The following CATSPERB variants were observed in gnomAD, a reference collection of about 807,000 sequenced individuals.
CATSPERB encodes cation channel sperm-associated auxiliary subunit beta.
In CATSPERB, 93 loss-of-function variants were observed where a neutral mutation model predicts 128.3. That is an observed-to-expected ratio of 0.72 (90% CI 0.61 to 0.86). The LOEUF is 0.86. Ranked by LOEUF, CATSPERB falls within the 40% of genes least tolerant of loss-of-function variation. CATSPERB has a pLI of 0.00. For missense variants in CATSPERB, 1,153 were observed against 1,329.5 expected, an observed-to-expected ratio of 0.87 and a Z score of 2.06; for synonymous variants, 381 against 448.8, an observed-to-expected ratio of 0.85 and a Z score of 1.91.
chr14:91,693,079 C>T (rs1292431564), intron 9 of CATSPERB, 47 bp downstream of exon 9: 2 of 1,218,786 alleles, frequency 1.6e-6, no homozygotes, highest in South Asian at 1.3e-5. Context: ...TTTTGTGTCA[C>T]AGAAGATATT....
chr14:91,629,359 G>T (rs1287925507), intron 17 of CATSPERB, among the ~76,000 whole-genome samples: 2 of 152,132 alleles, frequency 1.3e-5, no homozygotes, highest in African/African-American at 4.8e-5. Context: ...GGTTGCCAGG[G>T]GTGAGGGGAA....
intron 2 of CATSPERB, among the ~76,000 whole-genome samples, 156 bp from the exon 3 acceptor site, chr14:91,725,324 GT>G (rs998166317): frequency 6.6e-6 from 1 of 152,128 alleles, no homozygotes; most frequent in African/African-American, 2.4e-5. Context: ...TTTCCACCTT[GT>G]TTTTCTTTTT....
chr14:91,653,481 T>C (rs1894741763), intron 15 of CATSPERB, among the ~76,000 whole-genome samples: 1 of 152,148 alleles, frequency 6.6e-6, no homozygotes, highest in African/African-American at 2.4e-5. Flanking sequence ...TGCCCGAGAC[T>C]GGGCAATTTA....
intron 5 of CATSPERB, among the ~76,000 whole-genome samples, chr14:91,715,906 C>T (rs1360713853): frequency 6.6e-6 from 1 of 152,022 alleles, no homozygotes; most frequent in Non-Finnish European, 1.5e-5. Context: ...TAACATTGGC[C>T]CATATAACTT....
chr14:91,606,357 G>A (rs917536245), intron 22 of CATSPERB, among the ~76,000 whole-genome samples: 9 of 151,806 alleles, frequency 5.9e-5, no homozygotes, highest in African/African-American at 1.2e-4. Flanking sequence ...GAGGTCAGGA[G>A]TTTGAGACCA....
At chr14:91,652,727 G>C (rs895701194) in intron 15 of CATSPERB, among the ~76,000 whole-genome samples, 3 of 149,212 alleles carry the variant, frequency 2.0e-5, no homozygotes, top group African/African-American at 7.4e-5. Flanking sequence ...AGAGGCAAGA[G>C]GGAGCTTTCT....
chr14:91,683,743 G>A lies in CATSPERB; in HGVS notation c.931+134C>T, dbSNP rs1895326045. 1.4e-5 allele frequency: 8 copies of A among 562,358 alleles called. No individual in the cohort carries two copies. In the South Asian group the frequency reaches 1.8e-4, roughly 13 times the overall value. 34.8% of individuals were successfully genotyped at this position (562,358 alleles called of 1,614,324 possible). On this transcript the variant is annotated intron_variant, in intron 11 of 26. Coordinates refer to ENST00000256343, the MANE Select transcript of CATSPERB (RefSeq NM_024764.4). ...CACTCCTGAATGCCTCCCACCCCAA[G>A]TGCCCCTTTTTAAACCCTCCCCAGC...
chr14:91,693,625 A>G (rs1895509855), intron 7 of CATSPERB, 146 bp from the exon 8 acceptor site: 3 of 623,250 alleles, frequency 4.8e-6, no homozygotes, highest in Non-Finnish European at 8.6e-6. Flanking sequence ...AGTAACTTCA[A>G]GTTACACCAC....
chr14:91,603,218 G>A (rs1191863167), intron 22 of CATSPERB: 1 of 840,498 alleles, frequency 1.2e-6, no homozygotes, highest in Non-Finnish European at 2.1e-6. Flanking sequence ...CAATAAAATA[G>A]GGCATTCTTT....
chr14:91,594,313 A>G (rs948854678), intron 22 of CATSPERB, among the ~76,000 whole-genome samples: 2 of 147,898 alleles, frequency 1.4e-5, no homozygotes, highest in Non-Finnish European at 3.0e-5. Context: ...AACATCACAC[A>G]CCAGGGACTG....
At chr14:91,603,467 C>T in intron 22 of CATSPERB, 4 of 1,372,556 alleles carry the variant, frequency 2.9e-6, no homozygotes, top group Non-Finnish European at 4.2e-6. Flanking sequence ...TGGGCAAATT[C>T]TGCTCCCTAA....
intron 26 of CATSPERB, among the ~76,000 whole-genome samples, chr14:91,581,985 T>G (rs1893214121): frequency 6.6e-6 from 1 of 152,190 alleles, no homozygotes; most frequent in African/African-American, 2.4e-5. Context: ...ATCCTCCCAG[T>G]GACCCAAGGA....
At chr14:91,679,488 A>C (rs1305956035) in intron 11 of CATSPERB, among the ~76,000 whole-genome samples, 6 of 152,168 alleles carry the variant, frequency 3.9e-5, no homozygotes. Flanking sequence ...CCTATATCAG[A>C]TGTAAGATTT....
intron 10 of CATSPERB, among the ~76,000 whole-genome samples, chr14:91,691,284 G>A (rs1210438361): frequency 6.6e-6 from 1 of 152,064 alleles, no homozygotes; most frequent in African/African-American, 2.4e-5. Flanking sequence ...AAACAGGGAG[G>A]AGCACTTCTT....
intron 11 of CATSPERB, among the ~76,000 whole-genome samples, chr14:91,674,767 A>T (rs1003023620): frequency 6.6e-5 from 10 of 152,174 alleles, no homozygotes; most frequent in Non-Finnish European, 1.5e-5. Context: ...AATTCCAGAG[A>T]TTACCTCAAG....
intron 21 of CATSPERB, 34 bp downstream of exon 21, chr14:91,610,446 T>C: frequency 6.3e-7 from 1 of 1,585,232 alleles, no homozygotes; most frequent in Non-Finnish European, 8.6e-7. Flanking sequence ...TAGCATTGCT[T>C]CTTAAACCAA....
intron 17 of CATSPERB, among the ~76,000 whole-genome samples, chr14:91,626,271 T>G (rs1894158733): frequency 6.6e-6 from 1 of 152,020 alleles, no homozygotes; most frequent in African/African-American, 2.4e-5. Flanking sequence ...AAAAATTATG[T>G]TAAAATATAT....
At chr14:91,605,078 T>G in intron 22 of CATSPERB, 3 of 1,232,356 alleles carry the variant, frequency 2.4e-6, no homozygotes, top group Non-Finnish European at 3.6e-6. Flanking sequence ...GGCACTCTTC[T>G]CTGCAGAAGT....
At position 91,723,144 on chromosome 14, in the gene CATSPERB, C is replaced by T; in HGVS notation, c.214G>A (p.Ala72Thr). ...FQTENEIASK[A>T]MLSVFTSGGL... ...CCTGATGTGAACACACTTAGCATTG[C>T]TTTTGATGCAATTTCATTTTCAGTT... Residue 72 changes from alanine (A) to threonine (T), a missense_variant, in exon 4 of 27, where the codon GCA (alanine) becomes ACA (threonine). Coordinates refer to ENST00000256343, the MANE Select transcript of CATSPERB (RefSeq NM_024764.4). 1 of 1,516,520 alleles carries T rather than the reference C, an allele frequency of 6.6e-7. No individual in the cohort carries two copies. The highest frequency in any genetic ancestry group is 1.4e-5 in the South Asian group (1 of 72,154). 93.9% of individuals were successfully genotyped at this position (1,516,520 alleles called of 1,614,324 possible).
Sources: allele counts gnomAD v4.1 joint callset (sites outside exome capture counted in the v4.1 genomes callset), GRCh38; gene constraint gnomAD v4.1.1; transcripts MANE v1.5; gene names NCBI Gene and HGNC (gene_info 2026-07-23, HGNC 2026-07-21).